Variants in SCFD1 observed in about 807,000 individuals in gnomAD.
The protein encoded by SCFD1 is sec1 family domain-containing protein 1.
Under a neutral mutation model 103.2 loss-of-function variants are expected in SCFD1, and 37 were observed. That is an observed-to-expected ratio of 0.36 (90% CI 0.28 to 0.47). The LOEUF (loss-of-function observed/expected upper bound fraction) is 0.47, where lower values mean the gene tolerates loss of function less well. Ranked by LOEUF, SCFD1 falls within the 20% of genes least tolerant of loss-of-function variation. The pLI, the probability that SCFD1 is intolerant of heterozygous loss-of-function variation, is 1.00. For missense variants in SCFD1, 639 were observed against 761.2 expected (o/e 0.84, Z 1.89); for synonymous variants, 264 against 245.0 (o/e 1.08, Z -0.73).
rs375893221 is a variant in SCFD1 at position 30,645,440 on chromosome 14, A to C, written c.613+2035A>C. Among the ~76,000 whole-genome samples the C allele has an allele frequency of 9.8e-4, 149 of 152,270 alleles. 1 individual carries two copies. The highest frequency in any genetic ancestry group is 3.3e-3 in the African/African-American group (136 of 41,546). ...TTGCTTTGGCAGTGTGGCCATTTTA[A>C]TATTGAGTCTTCTTATCCATGAACA... On this transcript the variant is annotated intron_variant, in intron 7 of 24. Transcript: ENST00000458591.
At chr14:30,706,917 A>G (rs555833361) in intron 18 of SCFD1, among the ~76,000 whole-genome samples, 2 of 152,314 alleles carry the variant, frequency 1.3e-5, no homozygotes, top group South Asian at 4.1e-4. Context: ...AGTGCTGCGC[A>G]GGTTAGCACA....
intron 10 of SCFD1, among the ~76,000 whole-genome samples, chr14:30,667,076 A>G: frequency 6.6e-6 from 1 of 152,222 alleles, no homozygotes; most frequent in East Asian, 1.9e-4. Flanking sequence ...TCATCCTGAT[A>G]CCAAAGCCTG....
At chr14:30,670,097 C>A in intron 10 of SCFD1, 159 bp from the exon 11 acceptor site, 1 of 596,344 alleles carries the variant, frequency 1.7e-6, no homozygotes, top group Non-Finnish European at 2.9e-6. Context: ...CATTAAAATA[C>A]AGAAACAAAA....
At chr14:30,665,276 C>T (rs1859452900) in intron 10 of SCFD1, among the ~76,000 whole-genome samples, 1 of 152,156 alleles carries the variant, frequency 6.6e-6, no homozygotes, top group Non-Finnish European at 1.5e-5. Flanking sequence ...CTCAGAATTT[C>T]ATATACAGCC....
chr14:30,658,025 A>G (rs1887072501), intron 10 of SCFD1: 1 of 451,028 alleles, frequency 2.2e-6, no homozygotes, highest in Admixed American at 2.4e-5. Flanking sequence ...ATTGGGATAT[A>G]AGAAGCAAAA....
intron 21 of SCFD1, among the ~76,000 whole-genome samples, chr14:30,720,136 A>G (rs550488019): frequency 1.3e-5 from 2 of 152,262 alleles, no homozygotes; most frequent in East Asian, 3.9e-4. Context: ...AAAATAATCT[A>G]GTCATTAGAT....
intron 14 of SCFD1, chr14:30,683,331 G>C (rs989195677): frequency 4.7e-6 from 3 of 636,254 alleles, no homozygotes; most frequent in Middle Eastern, 4.9e-4. Flanking sequence ...TGCATTGTAA[G>C]GGTAGTCACT....
chr14:30,712,059 C>T (rs1254623963), intron 19 of SCFD1, among the ~76,000 whole-genome samples: 1 of 151,906 alleles, frequency 6.6e-6, no homozygotes, highest in African/African-American at 2.4e-5. Flanking sequence ...AGATCACAGT[C>T]TGGTTTATAA....
chr14:30,622,433 T>A, intron 1 of SCFD1, 34 bp downstream of exon 1: 2 of 1,549,840 alleles, frequency 1.3e-6, no homozygotes, highest in Non-Finnish European at 1.7e-6. Context: ...TGAAGCTTCG[T>A]GACTGCCCCG....
At chr14:30,680,797 A>G (rs945345526) in intron 14 of SCFD1, among the ~76,000 whole-genome samples, 1 of 152,150 alleles carries the variant, frequency 6.6e-6, no homozygotes, top group African/African-American at 2.4e-5. Flanking sequence ...AGAGAGTAGA[A>G]GGGAACCTCT....
At chr14:30,710,708 T>G (rs1891812264) in intron 19 of SCFD1, among the ~76,000 whole-genome samples, 1 of 152,122 alleles carries the variant, frequency 6.6e-6, no homozygotes, top group Non-Finnish European at 1.5e-5. Context: ...GAGAAATCCA[T>G]GTTAAAGCTC....
chr14:30,703,932 T>C (rs866139343), intron 17 of SCFD1, among the ~76,000 whole-genome samples: 8 of 62,550 alleles, frequency 1.3e-4, no homozygotes, highest in Middle Eastern at 6.2e-3. Context: ...TATATATATA[T>C]ATATATATAT....
rs767373776 is a variant in SCFD1 at position 30,708,107 on chromosome 14, A to G, written c.1629+42A>G. 3.9e-5 allele frequency: 50 copies of G among 1,290,944 alleles called. 1 individual carries two copies. The Admixed American group carries it at 8.1e-4, about 21-fold the overall frequency. 80.0% of individuals were successfully genotyped at this position (1,290,944 alleles called of 1,614,324 possible). A position where few individuals can be genotyped will look rare whatever the true frequency, so the allele number is the denominator to read the frequency against. On this transcript the variant is annotated intron_variant, in intron 19 of 24. Coordinates refer to ENST00000458591, the MANE Select transcript of SCFD1 (RefSeq NM_016106.4). The stretch of plus-strand genomic sequence containing the variant: ...GAAAACATACTGGTAACTTTTAAAC[A>G]TAAATGTTGACAGGCTAACTGCTCA...
rs1566659984 is a variant in SCFD1 at position 30,719,340 on chromosome 14, A to G, written c.1699A>G (p.Arg567Gly). The stretch of plus-strand genomic sequence containing the variant: ...TTTTTAATAGGAAACTGATGACTAT[A>G]GATATTTTGATCCCAAAATGCTGCG... ...MKSNPETDDY[R>G]YFDPKMLRGN... is the part of the protein sequence containing the mutation. Residue 567 changes from arginine to glycine, a missense_variant, in exon 21 of 25, where the codon AGA becomes GGA. Physicochemically the swap from Arg to Gly is moderately radical, Grantham distance 125. Coordinates refer to ENST00000458591, the MANE Select transcript of SCFD1 (RefSeq NM_016106.4). The G allele has an allele frequency of 1.2e-6, 2 of 1,603,336 alleles. No individual in the cohort carries two copies. The highest frequency in any genetic ancestry group is 1.7e-4 in the Middle Eastern group (1 of 6,024).
At chr14:30,713,962 A>G (rs6571361) in intron 19 of SCFD1, among the ~76,000 whole-genome samples, 68,906 of 152,014 alleles carry the variant, frequency 0.45, 18,112 homozygotes, top group African/African-American at 0.71. Context: ...TTTAAAGCAC[A>G]TTTAAATCTG....
At chr14:30,731,583 G>A (rs1308409559) in intron 23 of SCFD1, among the ~76,000 whole-genome samples, 1 of 152,100 alleles carries the variant, frequency 6.6e-6, no homozygotes, top group African/African-American at 2.4e-5. Flanking sequence ...TTGTAAGTTG[G>A]ATTCCTAGGT....
intron 20 of SCFD1, among the ~76,000 whole-genome samples, chr14:30,716,431 CAATG>C (rs1289147680): frequency 6.6e-6 from 1 of 152,082 alleles, no homozygotes; most frequent in Non-Finnish European, 1.5e-5. Context: ...AGTAAATTGA[CAATG>C]AAATCATTGG....
Position 30,722,495 on chromosome 14 carries a change from C to A in SCFD1, c.1772C>A (p.Ala591Asp). The A allele has an allele frequency of 6.3e-7, 1 of 1,584,192 alleles. No individual in the cohort carries two copies. Among genetic ancestry groups the A allele is most frequent in the Non-Finnish European group, 8.6e-7 (1 of 1,163,174 alleles). The part of the protein sequence containing the change: ...VPRNKNPFQE[A>D]IVFVVGGGNY... ...TTTTTTAATCTGTTTGCATTTTAGG[C>A]CATTGTTTTTGTGGTGGGAGGAGGC... Residue 591 changes from alanine to aspartate, a missense_variant and splice_region_variant, in exon 23 of 25, where the codon GCC (alanine) becomes GAC (aspartate). Ala to Asp is a moderately radical substitution (Grantham distance 126). Coordinates refer to ENST00000458591, the MANE Select transcript of SCFD1 (RefSeq NM_016106.4).
intron 9 of SCFD1, 145 bp from the exon 10 acceptor site, chr14:30,653,344 T>C (rs1213499786): frequency 1.0e-5 from 6 of 588,292 alleles, no homozygotes; most frequent in Non-Finnish European, 1.8e-5. Context: ...GCAGCACATA[T>C]ACTAAAAAAC....
Sources: gnomAD v4.1 joint callset for allele counts (sites outside exome capture counted in the v4.1 genomes callset) on GRCh38, gnomAD v4.1.1 for gene constraint, MANE v1.5 for transcripts, NCBI Gene and HGNC (gene_info 2026-07-23, HGNC 2026-07-21) for gene names.